RGS22: variants seen among roughly 807,000 people sequenced by gnomAD.
The protein encoded by RGS22 is regulator of G protein signaling 22.
A neutral mutation model predicts 172.9 loss-of-function variants in RGS22; 148 were observed. The ratio of observed to expected loss-of-function variants is 0.86; its 90% CI spans 0.75 to 0.98. The LOEUF (loss-of-function observed/expected upper bound fraction) is 0.98. RGS22 is among the 50% of genes least tolerant of loss of function. The pLI, the probability that RGS22 is intolerant of heterozygous loss-of-function variation, is 0.00. For synonymous variants in RGS22, 458 were observed against 480.2 expected (o/e 0.95, Z 0.60); for missense variants, 1,347 against 1,440.8 (o/e 0.93, Z 1.05).
In RGS22 at chr8:99,965,347, T is replaced by C. The variant is rs529535476; in HGVS notation, c.3603A>G (p.Pro1201=). The C allele has an allele frequency of 6.2e-7, 1 of 1,612,802 alleles. No homozygotes were observed. The highest frequency in any genetic ancestry group is 8.5e-7 in the Non-Finnish European group (1 of 1,178,962). ...CTTGCATGCTTACCTGTCGGCCATA[T>C]GGTTGGAGGCCTAGGAAGGAATCAC... ...LLSDSFLGLQ[P]YGRQPTWCYS... is the part of the protein sequence containing the mutation. The change falls in exon 24 of 28, where the codon CCA becomes CCG. Residue 1201 remains proline, a synonymous_variant. Coordinates refer to ENST00000360863, the MANE Select transcript of RGS22 (RefSeq NM_015668.5).
At chr8:100,082,724 T>C (rs913108279) in intron 3 of RGS22, among the ~76,000 whole-genome samples, 1 of 152,204 alleles carries the variant, frequency 6.6e-6, no homozygotes, top group Non-Finnish European at 1.5e-5. Context: ...GCCTCACGTA[T>C]GACAAAACTA....
chr8:100,080,820 T>G (rs976231873), intron 3 of RGS22: 2 of 155,754 alleles, frequency 1.3e-5, no homozygotes. Flanking sequence ...TGTTCTTCAG[T>G]TAAGACTATT....
rs770659718 is a variant in RGS22, at chr8:100,041,815, G to A, written c.1925C>T (p.Thr642Ile). ...CAAAACACTCACCCTAGGTTCTTCTGTATAAGCGTATCTTCTATCCAGCTG... is the reference window on the plus strand; with the variant it reads ...CAAAACACTCACCCTAGGTTCTTCTATATAAGCGTATCTTCTATCCAGCTG... ...KPQLDRRYAY[T>I]EEPRVKTVSD... The change falls in exon 12 of 28, where the codon ACA (threonine) becomes ATA (isoleucine). Residue 642 changes from threonine to isoleucine, a missense_variant. Transcript: ENST00000360863. The A allele has an allele frequency of 2.9e-5, 46 of 1,601,432 alleles. No homozygotes were observed. Among genetic ancestry groups the A allele is most frequent in the Non-Finnish European group, 3.8e-5 (45 of 1,168,916 alleles).
intron 14 of RGS22, among the ~76,000 whole-genome samples, chr8:100,037,838 G>A (rs919628356): frequency 6.6e-6 from 1 of 152,182 alleles, no homozygotes; most frequent in Non-Finnish European, 1.5e-5. Flanking sequence ...CTCAGAAATG[G>A]TGCTAGTAAA....
intron 6 of RGS22, among the ~76,000 whole-genome samples, chr8:100,067,094 A>C (rs765473189): frequency 5.3e-5 from 8 of 152,240 alleles, no homozygotes; most frequent in Non-Finnish European, 1.0e-4. Flanking sequence ...GAGAGTTTCC[A>C]GCATTCCTCT....
At chr8:100,037,223 G>A (rs1819603552) in intron 14 of RGS22, among the ~76,000 whole-genome samples, 1 of 152,154 alleles carries the variant, frequency 6.6e-6, no homozygotes, top group African/African-American at 2.4e-5. Flanking sequence ...GAGCCCAGGA[G>A]TTCAAGGCTG....
At chr8:100,097,194 C>T (rs1813044249) in intron 2 of RGS22, among the ~76,000 whole-genome samples, 1 of 152,154 alleles carries the variant, frequency 6.6e-6, no homozygotes, top group African/African-American at 2.4e-5. Context: ...GCTTGAAGAA[C>T]TTTCTAGGAC....
intron 23 of RGS22, among the ~76,000 whole-genome samples, chr8:99,972,771 C>A (rs750587186): frequency 6.6e-6 from 1 of 152,090 alleles, no homozygotes; most frequent in Non-Finnish European, 1.5e-5. Flanking sequence ...TGGTGGCTCA[C>A]GCCTGTAATC....
intron 15 of RGS22, 45 bp downstream of exon 15, chr8:100,008,330 G>C (rs1815965059): frequency 6.4e-7 from 1 of 1,562,822 alleles, no homozygotes; most frequent in African/African-American, 1.4e-5. Flanking sequence ...CAGTATTGTA[G>C]TAAACCTGAA....
chr8:100,068,298 C>T (rs1245424740), intron 6 of RGS22, among the ~76,000 whole-genome samples: 3 of 151,980 alleles, frequency 2.0e-5, no homozygotes, highest in Non-Finnish European at 4.4e-5. Flanking sequence ...GCGGGAGAAT[C>T]GCTTGAGCCA....
intron 4 of RGS22, among the ~76,000 whole-genome samples, chr8:100,072,692 T>C (rs1243163255): frequency 6.6e-6 from 1 of 151,998 alleles, no homozygotes; most frequent in Admixed American, 6.6e-5. Context: ...ATTTAACATC[T>C]CCAGGCGCTC....
chr8:100,105,750 C>T (rs1289637394), intron 1 of RGS22, 147 bp downstream of exon 1: 2 of 661,458 alleles, frequency 3.0e-6, no homozygotes, highest in South Asian at 2.1e-5. Flanking sequence ...GTCATAAAAT[C>T]CAACAGGAGG....
At chr8:100,053,297 C>A (rs1440992378) in intron 9 of RGS22, among the ~76,000 whole-genome samples, 1 of 152,042 alleles carries the variant, frequency 6.6e-6, no homozygotes, top group Non-Finnish European at 1.5e-5. Context: ...TGATGGGCGC[C>A]TGTAACCCCA....
chr8:100,057,307 G>C (rs1809716266), intron 9 of RGS22, among the ~76,000 whole-genome samples: 1 of 152,210 alleles, frequency 6.6e-6, no homozygotes, highest in South Asian at 2.1e-4. Flanking sequence ...TCTCAAATGA[G>C]ACTTTGGACT....
intron 9 of RGS22, 35 bp from the exon 10 acceptor site, chr8:100,053,011 A>C: frequency 6.3e-7 from 1 of 1,582,698 alleles, no homozygotes; most frequent in Non-Finnish European, 8.7e-7. Context: ...AGATTGAACT[A>C]AACAACAAGC....
intron 11 of RGS22, 118 bp from the exon 12 acceptor site, chr8:100,042,034 T>C (rs1339820018): frequency 1.7e-6 from 1 of 590,194 alleles, no homozygotes; most frequent in Non-Finnish European, 3.0e-6. Flanking sequence ...CTGAGCAATG[T>C]GACTCAGGAA....
At chr8:99,964,256 C>T (rs1175161228) in intron 24 of RGS22, among the ~76,000 whole-genome samples, 1 of 152,038 alleles carries the variant, frequency 6.6e-6, no homozygotes, top group African/African-American at 2.4e-5. Context: ...AGTTTGAGAG[C>T]AGCCTGGGCA....
At chr8:100,002,152 A>G (rs1340673935) in intron 18 of RGS22, 50 bp downstream of exon 18, 2 of 1,407,078 alleles carry the variant, frequency 1.4e-6, no homozygotes, top group East Asian at 4.8e-5. Context: ...ATAGAAATAA[A>G]ATACCGGTTT....
chr8:99,962,571 G>T, intron 26 of RGS22, 116 bp downstream of exon 26: 1 of 1,385,954 alleles, frequency 7.2e-7, no homozygotes, highest in Non-Finnish European at 1.0e-6. Context: ...GGCAGAATAG[G>T]GTGGAGGGGT....
Sources: gnomAD v4.1 joint callset for allele counts (sites outside exome capture counted in the v4.1 genomes callset) on GRCh38, gnomAD v4.1.1 for gene constraint, MANE v1.5 for transcripts, NCBI Gene and HGNC (gene_info 2026-07-23, HGNC 2026-07-21) for gene names.